The following RSPO4 variants were observed in gnomAD, a reference collection of about 807,000 sequenced individuals.
RSPO4 encodes R-spondin-4.
In RSPO4, 23 loss-of-function variants were observed where a neutral mutation model predicts 24.8. The ratio of observed to expected loss-of-function variants is 0.93; its 90% confidence interval spans 0.67 to 1.31. The LOEUF is 1.31. Ranked by LOEUF, RSPO4 falls within the 40% of genes most tolerant of loss-of-function variation. The probability of loss-of-function intolerance (pLI) is 0.00; values close to 1 mark genes in which losing one functional copy is unlikely to be tolerated. For missense variants in RSPO4, 333 were observed against 316.5 expected, an observed-to-expected ratio of 1.05 and a Z score of -0.39; for synonymous variants, 141 against 127.4, an observed-to-expected ratio of 1.11 and a Z score of -0.72.
intron 1 of RSPO4, among the ~76,000 whole-genome samples, chr20:978,486 C>G (rs983378764): frequency 3.9e-5 from 6 of 152,220 alleles, no homozygotes; most frequent in Admixed American, 2.0e-4. Flanking sequence ...TGCCCACTGA[C>G]TACCCATTTG....
Position 968,048 on chromosome 20 carries a change from A to C in RSPO4, c.170T>G (p.Phe57Cys). 1 of 1,614,210 alleles carries C rather than the reference A, an allele frequency of 6.2e-7. No homozygotes were observed. The highest frequency in any genetic ancestry group is 8.5e-7 in the Non-Finnish European group (1 of 1,180,030). The change falls in exon 2 of 5, where the codon TTC (phenylalanine) becomes TGC (cysteine). Residue 57 changes from phenylalanine to cysteine, a missense_variant. By Grantham distance (205) the Phe-to-Cys change is radical (BLOSUM62 -2). Coordinates refer to ENST00000217260, the MANE Select transcript of RSPO4 (RefSeq NM_001029871.4). Reference sequence around the variant, plus strand: ...CTGGCGGATGCCTTCCCGGCGGATGAACAGGAAGAGCCTCTGCTGGCAGGT... The same window carrying C: ...CTGGCGGATGCCTTCCCGGCGGATGCACAGGAAGAGCCTCTGCTGGCAGGT... ...CSTCQQRLFLFIRREGIRQYG... is the reference protein window; with the variant it reads ...CSTCQQRLFLCIRREGIRQYG...
intron 4 of RSPO4, among the ~76,000 whole-genome samples, chr20:961,057 C>G (rs184702846): frequency 6.6e-6 from 1 of 152,306 alleles, no homozygotes; most frequent in Admixed American, 6.5e-5. Context: ...TTCTCTCCAC[C>G]CTTCTATCAT....
At position 970,904 on chromosome 20, in the gene RSPO4, T is replaced by A. The variant is rs561836530; in HGVS notation, c.80-2766A>T. Among the ~76,000 whole-genome samples the A allele has an allele frequency of 6.6e-6, 1 of 152,176 alleles. No individual in the cohort carries two copies. Among genetic ancestry groups the A allele is most frequent in the Admixed American group, 6.5e-5 (1 of 15,268 alleles). On this transcript the variant is annotated intron_variant, in intron 1 of 4. Transcript: ENST00000217260. This position sits in a 1 kb window ranked among gnomAD's most constrained non-coding sequence, Gnocchi z 4.1. The stretch of plus-strand genomic sequence containing the variant: ...TCACCCAGGCTCCAGTGCAGTGGCA[T>A]GATCCTAAGCTCACTGCAGCCTCAA...
chr20:998,609 C>T (rs1483914667), intron 1 of RSPO4, among the ~76,000 whole-genome samples: 1 of 152,128 alleles, frequency 6.6e-6, no homozygotes, highest in African/African-American at 2.4e-5. Context: ...GCACCTCATT[C>T]CTCGGGATTG....
rs1338449976 is a variant in RSPO4, at chr20:970,599, A to G, written c.80-2461T>C. Among the ~76,000 whole-genome samples the G allele has an allele frequency of 6.6e-6, 1 of 152,114 alleles. No individual in the cohort carries two copies. The highest frequency in any genetic ancestry group is 1.5e-5 in the Non-Finnish European group (1 of 68,028). ...GGCAGGGATCTGAGGGCAGAGAGCA[A>G]GTGTGATGTTGTAAGGGAGATTCCC... On this transcript the variant is annotated intron_variant, in intron 1 of 4. Transcript: ENST00000217260. This position sits in a 1 kb window ranked among gnomAD's most constrained non-coding sequence, Gnocchi z 4.1.
chr20:979,246 A>G (rs2122236191), intron 1 of RSPO4, among the ~76,000 whole-genome samples: 1 of 152,030 alleles, frequency 6.6e-6, no homozygotes, highest in South Asian at 2.1e-4. Flanking sequence ...CATGTTCCCC[A>G]TCTGCCAAGA....
rs1984378994 is a variant in RSPO4, at chr20:970,704, T to C, written c.80-2566A>G. Among the ~76,000 whole-genome samples, 1 of 152,164 alleles carries C rather than the reference T, an allele frequency of 6.6e-6. No individual in the cohort carries two copies. Among genetic ancestry groups the C allele is most frequent in the Non-Finnish European group, 1.5e-5 (1 of 68,026 alleles). On this transcript the variant is annotated intron_variant, in intron 1 of 4. Coordinates refer to ENST00000217260, the MANE Select transcript of RSPO4 (RefSeq NM_001029871.4). This position sits in a 1 kb window ranked among gnomAD's most constrained non-coding sequence, Gnocchi z 4.1. ...ACTCAGCAAAAGATTCAGATTCTGA[T>C]ACTACCCAGAGCTGGCAAGAATGAG...
intron 1 of RSPO4, among the ~76,000 whole-genome samples, chr20:1,000,739 G>A (rs1425675792): frequency 1.3e-5 from 2 of 152,126 alleles, no homozygotes; most frequent in African/African-American, 4.8e-5. Flanking sequence ...CTAAACAAAG[G>A]CCATTCACAA....
chr20:980,880 T>C (rs1437584037), intron 1 of RSPO4, among the ~76,000 whole-genome samples: 4 of 152,298 alleles, frequency 2.6e-5, no homozygotes, highest in African/African-American at 9.6e-5. Flanking sequence ...TCAGAGATCT[T>C]CAAAAACTGT....
intron 1 of RSPO4, among the ~76,000 whole-genome samples, chr20:984,413 T>C (rs964784165): frequency 3.3e-5 from 5 of 152,132 alleles, no homozygotes; most frequent in African/African-American, 9.7e-5. Context: ...CCAGTGAGCA[T>C]CAGGAAAGGG....
chr20:1,001,062 G>T (rs1370493144), intron 1 of RSPO4, among the ~76,000 whole-genome samples: 1 of 152,204 alleles, frequency 6.6e-6, no homozygotes, highest in Non-Finnish European at 1.5e-5. Context: ...GAAGACACCA[G>T]CTGGACAATT....
intron 1 of RSPO4, among the ~76,000 whole-genome samples, chr20:969,099 T>C (rs1984326987): frequency 1.3e-5 from 2 of 152,144 alleles, no homozygotes; most frequent in African/African-American, 4.8e-5. Context: ...GAGAATTGCT[T>C]GAGTCCAGGA....
At chr20:967,025 C>G (rs542905102) in intron 3 of RSPO4, 149 bp downstream of exon 3, 1 of 709,238 alleles carries the variant, frequency 1.4e-6, no homozygotes, top group African/African-American at 1.8e-5. Context: ...TGTGGAGGTA[C>G]CCAGTGTACC....
At chr20:1,001,465 G>A (rs1421412467) in intron 1 of RSPO4, among the ~76,000 whole-genome samples, 1 of 152,198 alleles carries the variant, frequency 6.6e-6, no homozygotes, top group Non-Finnish European at 1.5e-5. Flanking sequence ...CTTCCTAGTG[G>A]CCTGAGAGGT....
chr20:967,944 A>C lies in RSPO4; in HGVS notation c.268+6T>G, dbSNP rs1011237181. On this transcript the variant is annotated splice_donor_region_variant and intron_variant, in intron 2 of 4. Transcript: ENST00000217260. ...ACTAGCATAGAACAAGGGAGAAGCCACGTACTTTTGCACCTGTTGACCTCC... is the reference window on the plus strand; with the variant it reads ...ACTAGCATAGAACAAGGGAGAAGCCCCGTACTTTTGCACCTGTTGACCTCC... The C allele has an allele frequency of 3.1e-6, 5 of 1,613,922 alleles. No individual in the cohort carries two copies. In the Admixed American group the frequency reaches 6.7e-5, roughly 22 times the overall value.
chr20:991,760 AAAC>A (rs1370252548), intron 1 of RSPO4, among the ~76,000 whole-genome samples: 1 of 152,096 alleles, frequency 6.6e-6, no homozygotes, highest in Non-Finnish European at 1.5e-5. Flanking sequence ...AAATTAATAA[AAAC>A]AAAAATGTTA....
intron 3 of RSPO4, 150 bp downstream of exon 3, chr20:967,024 A>T: frequency 2.8e-6 from 2 of 704,306 alleles, no homozygotes; most frequent in South Asian, 3.7e-5. Flanking sequence ...ATGTGGAGGT[A>T]CCCAGTGTAC....
At chr20:992,290 G>T (rs1277932706) in intron 1 of RSPO4, among the ~76,000 whole-genome samples, 1 of 138,214 alleles carries the variant, frequency 7.2e-6, no homozygotes, top group Non-Finnish European at 1.5e-5. Context: ...TTTTGAGACG[G>T]AGTTTCGCTC....
intron 3 of RSPO4, among the ~76,000 whole-genome samples, chr20:966,873 G>A (rs77787069): frequency 7.0e-6 from 1 of 142,470 alleles, no homozygotes; most frequent in South Asian, 2.2e-4. Context: ...AAGCAAACAA[G>A]CAAACAAACA....
Sources: allele counts gnomAD v4.1 joint callset (sites outside exome capture counted in the v4.1 genomes callset), GRCh38; gene constraint gnomAD v4.1.1; non-coding constraint Gnocchi (gnomAD v3.1); transcripts MANE v1.5; gene names NCBI Gene and HGNC (gene_info 2026-07-23, HGNC 2026-07-21).